The following RPS6KB1 variants were observed in gnomAD, a reference collection of about 807,000 sequenced individuals.
The protein encoded by RPS6KB1 is ribosomal protein S6 kinase B1, also known as ribosomal protein S6 kinase beta-1.
RPS6KB1 carries 12 observed loss-of-function variants against 70.2 expected under a neutral mutation model. The ratio of observed to expected loss-of-function variants is 0.17; its 90% confidence interval spans 0.11 to 0.28. RPS6KB1 has a LOEUF of 0.28. RPS6KB1 is among the 10% of genes least tolerant of loss of function. The pLI is 1.00. For missense variants in RPS6KB1, 270 were observed against 646.6 expected (o/e 0.42, Z 6.32); for synonymous variants, 175 against 211.2 (o/e 0.83, Z 1.49).
At chr17:59,924,835 A>T (rs138321733) in intron 4 of RPS6KB1, among the ~76,000 whole-genome samples, 5,674 of 149,862 alleles carry the variant, frequency 0.038, 370 homozygotes, top group African/African-American at 0.13. Flanking sequence ...TTATTTATTT[A>T]TTTATTTTTT....
chr17:59,926,820 C>T (rs545804700), intron 5 of RPS6KB1, among the ~76,000 whole-genome samples: 1 of 152,160 alleles, frequency 6.6e-6, no homozygotes, highest in Non-Finnish European at 1.5e-5. Flanking sequence ...CCTTTGTAAT[C>T]ACTCACTTAA....
chr17:59,935,587 G>T (rs141795068), intron 10 of RPS6KB1, among the ~76,000 whole-genome samples: 2 of 151,438 alleles, frequency 1.3e-5, no homozygotes, highest in Non-Finnish European at 2.9e-5. Flanking sequence ...CGATTCTTCC[G>T]CCTCAGCCTC....
chr17:59,940,682 C>A (rs528432774), intron 12 of RPS6KB1, among the ~76,000 whole-genome samples, 154 bp from the exon 13 acceptor site: 1 of 152,202 alleles, frequency 6.6e-6, no homozygotes, highest in African/African-American at 2.4e-5. Context: ...GTACTTTCCA[C>A]CTACATTTTT....
chr17:59,915,400 C>T (rs182448874), intron 4 of RPS6KB1, among the ~76,000 whole-genome samples: 1 of 152,184 alleles, frequency 6.6e-6, no homozygotes, highest in Admixed American at 6.5e-5. Context: ...AGAGCTCTTG[C>T]AATTCTTTGC....
chr17:59,926,929 A>G (rs961827947), intron 5 of RPS6KB1, among the ~76,000 whole-genome samples: 10 of 152,150 alleles, frequency 6.6e-5, no homozygotes, highest in African/African-American at 2.4e-4. Context: ...CATACTGACT[A>G]TTTTTGGAAT....
intron 1 of RPS6KB1, chr17:59,907,155 C>T (rs559810988): frequency 6.6e-6 from 1 of 152,288 alleles, no homozygotes; most frequent in East Asian, 1.9e-4. Flanking sequence ...AGGCGCCCAC[C>T]ACCACACCTG....
intron 4 of RPS6KB1, among the ~76,000 whole-genome samples, chr17:59,919,477 T>C (rs140253926): frequency 1.3e-5 from 2 of 152,218 alleles, no homozygotes; most frequent in East Asian, 3.9e-4. Context: ...TAAGTAAATA[T>C]TGTCTGTAGA....
chr17:59,909,878 G>A (rs2042525760), intron 1 of RPS6KB1, among the ~76,000 whole-genome samples: 1 of 152,074 alleles, frequency 6.6e-6, no homozygotes, highest in Non-Finnish European at 1.5e-5. Flanking sequence ...CAGGCATGGT[G>A]GCAGGCACCT....
At chr17:59,911,527 A>AT (rs1491306261) in intron 2 of RPS6KB1, among the ~76,000 whole-genome samples, 23 of 123,850 alleles carry the variant, frequency 1.9e-4, no homozygotes, top group African/African-American at 7.2e-4. Context: ...CACCTGGCTA[A>AT]TTTTTGTTGG....
intron 1 of RPS6KB1, among the ~76,000 whole-genome samples, chr17:59,908,956 C>T (rs1190971710): frequency 1.4e-4 from 15 of 104,672 alleles, no homozygotes; most frequent in Admixed American, 3.5e-4. Flanking sequence ...GACAGGGTTT[C>T]GCTCTTGTTG....
At chr17:59,927,659 A>G (rs375036625) in intron 5 of RPS6KB1, among the ~76,000 whole-genome samples, 16 of 151,074 alleles carry the variant, frequency 1.1e-4, no homozygotes, top group African/African-American at 3.9e-4. Context: ...GGCATGCGCC[A>G]CCACACTTGG....
At chr17:59,903,718 T>C (rs2144713857) in intron 1 of RPS6KB1, among the ~76,000 whole-genome samples, 1 of 152,278 alleles carries the variant, frequency 6.6e-6, no homozygotes, top group East Asian at 1.9e-4. Context: ...ACTTTTCCTC[T>C]TTATCATCTA....
chr17:59,934,121 C>A lies in RPS6KB1; in HGVS notation c.689-49C>A. The A allele has an allele frequency of 3.4e-6, 4 of 1,164,394 alleles. No individual in the cohort carries two copies. The highest frequency in any genetic ancestry group is 1.5e-5 in the African/African-American group (1 of 66,148). The allele number at this position is 1,164,394 out of a possible 1,614,324, so 72.1% of individuals were successfully genotyped here. On this transcript the variant is annotated intron_variant, in intron 7 of 14. Transcript: ENST00000225577. The surrounding 1 kb of genome is among the most constrained non-coding windows in gnomAD (Gnocchi z 4.8). ...TATTATGTGACATGTTCAAACACTGCACATACTTATAATTCGGAGAATAAT... is the reference window on the plus strand; with the variant it reads ...TATTATGTGACATGTTCAAACACTGAACATACTTATAATTCGGAGAATAAT...
chr17:59,917,551 C>T (rs2043028951), intron 4 of RPS6KB1, among the ~76,000 whole-genome samples: 1 of 152,132 alleles, frequency 6.6e-6, no homozygotes, highest in South Asian at 2.1e-4. Flanking sequence ...GATCCTCCTG[C>T]CACAACTTCT....
chr17:59,942,285 A>G (rs2044659054), intron 13 of RPS6KB1, among the ~76,000 whole-genome samples: 1 of 152,226 alleles, frequency 6.6e-6, no homozygotes, highest in Non-Finnish European at 1.5e-5. Context: ...AATATTTGAC[A>G]TCAAAACATA....
Position 59,912,666 on chromosome 17 carries a change from T to C in RPS6KB1, c.192-18T>C. ...TAACTTTTTGCAAATTTATTTTTGG[T>C]TTTGCTTTTCTTCCCAGTGGCATGG... On this transcript the variant is annotated intron_variant, in intron 2 of 14. Coordinates refer to ENST00000225577, the MANE Select transcript of RPS6KB1 (RefSeq NM_003161.4). 6.2e-7 allele frequency: 1 copy of C among 1,604,928 alleles called. No homozygotes were observed. The highest frequency in any genetic ancestry group is 2.2e-5 in the East Asian group (1 of 44,776).
chr17:59,942,149 C>T (rs575489823), intron 13 of RPS6KB1, among the ~76,000 whole-genome samples: 162 of 152,200 alleles, frequency 1.1e-3, no homozygotes, highest in African/African-American at 3.7e-3. Flanking sequence ...TAAGCCACCA[C>T]GCCCAGTCGA....
At chr17:59,910,536 T>A in intron 1 of RPS6KB1, 26 bp from the exon 2 acceptor site, 1 of 1,481,550 alleles carries the variant, frequency 6.7e-7, no homozygotes, top group Non-Finnish European at 9.3e-7. Flanking sequence ...TTAGATTATT[T>A]CTGAAACTTT....
At chr17:59,911,542 T>TTTTTG (rs2042639193) in intron 2 of RPS6KB1, among the ~76,000 whole-genome samples, 1 of 133,532 alleles carries the variant, frequency 7.5e-6, no homozygotes, top group South Asian at 2.5e-4. Context: ...TGTTGGGTTT[T>TTTTTG]TTTTTTTTTT....
Sources: allele counts gnomAD v4.1 joint callset (sites outside exome capture counted in the v4.1 genomes callset), GRCh38; gene constraint gnomAD v4.1.1; non-coding constraint Gnocchi (gnomAD v3.1); transcripts MANE v1.5; gene names NCBI Gene and HGNC (gene_info 2026-07-23, HGNC 2026-07-21).